CCDC169: variants seen among roughly 807,000 people sequenced by gnomAD.
CCDC169 encodes the protein coiled-coil domain-containing protein 169.
Under a neutral mutation model 36.0 loss-of-function variants are expected in CCDC169, and 30 were observed. That is an observed-to-expected ratio of 0.83 (90% CI 0.62 to 1.13). CCDC169 has a LOEUF of 1.13. CCDC169 is among the 50% of genes most tolerant of loss of function. The pLI is 0.00. For synonymous variants in CCDC169, 85 were observed against 81.5 expected, an observed-to-expected ratio of 1.04 and a Z score of -0.23; for missense variants, 245 against 245.9, an observed-to-expected ratio of 1.00 and a Z score of 0.03.
chr13:36,275,109 C>A (rs1326655505), intron 4 of CCDC169, among the ~76,000 whole-genome samples: 1 of 151,892 alleles, frequency 6.6e-6, no homozygotes, highest in South Asian at 2.1e-4. Flanking sequence ...CCTCGTGATC[C>A]GCCCGCCTCG....
chr13:36,233,829 T>A (rs1264319590), intron 7 of CCDC169, among the ~76,000 whole-genome samples: 2 of 152,226 alleles, frequency 1.3e-5, no homozygotes, highest in African/African-American at 4.8e-5. Context: ...CTTTGACATA[T>A]TTTAAAATGT....
intron 2 of CCDC169, among the ~76,000 whole-genome samples, chr13:36,290,830 T>A (rs1258996447): frequency 6.6e-6 from 1 of 152,044 alleles, no homozygotes; most frequent in Non-Finnish European, 1.5e-5. Flanking sequence ...TGGATTTAAG[T>A]CTTTGACTCT....
chr13:36,261,912 G>C (rs1594044431), intron 4 of CCDC169, among the ~76,000 whole-genome samples: 1 of 152,312 alleles, frequency 6.6e-6, no homozygotes, highest in East Asian at 1.9e-4. Context: ...TTTTAGCCCA[G>C]TAGACCCAGA....
intron 4 of CCDC169, among the ~76,000 whole-genome samples, chr13:36,272,624 G>A (rs1169164462): frequency 1.3e-5 from 2 of 151,970 alleles, no homozygotes; most frequent in South Asian, 4.1e-4. Context: ...TTTTGCTGAA[G>A]AATCCTCCAA....
At chr13:36,286,199 C>T (rs1878234080) in intron 2 of CCDC169, among the ~76,000 whole-genome samples, 1 of 152,144 alleles carries the variant, frequency 6.6e-6, no homozygotes, top group Non-Finnish European at 1.5e-5. Flanking sequence ...GCTGCCAAGA[C>T]TCTTTTGTCT....
chr13:36,295,887 A>T, intron 1 of CCDC169, 30 bp from the exon 2 acceptor site: 1 of 1,281,792 alleles, frequency 7.8e-7, no homozygotes, highest in Non-Finnish European at 1.1e-6. Flanking sequence ...TGTTGATTAT[A>T]ATTCAATTAA....
chr13:36,285,618 G>C lies in CCDC169; in HGVS notation c.164-1916C>G, dbSNP rs9566047. ...AGATAGATAGATAGATAGATAGATA[G>C]ATACATAGATACATAGATACATAGA... On this transcript the variant is annotated intron_variant, in intron 2 of 7. Transcript: ENST00000239859. Among the ~76,000 whole-genome samples the C allele has an allele frequency of 8.8e-3, 1,171 of 133,582 alleles. 12 individuals carry two copies. Among genetic ancestry groups the C allele is most frequent in the African/African-American group, 0.025 (851 of 34,582 alleles). 87.6% of individuals were successfully genotyped at this position (133,582 alleles called of 152,430 possible).
chr13:36,290,497 T>C (rs1274077505), intron 2 of CCDC169, among the ~76,000 whole-genome samples: 4 of 152,252 alleles, frequency 2.6e-5, no homozygotes, highest in African/African-American at 9.6e-5. Context: ...TTTGAAACTA[T>C]TGAATCCCTC....
At chr13:36,265,937 C>A (rs1283943388) in intron 4 of CCDC169, among the ~76,000 whole-genome samples, 1 of 152,166 alleles carries the variant, frequency 6.6e-6, no homozygotes, top group Non-Finnish European at 1.5e-5. Context: ...TGTGCTCAAT[C>A]ATCCTTGAGA....
intron 2 of CCDC169, 87 bp from the exon 3 acceptor site, chr13:36,283,789 C>T: frequency 9.9e-7 from 1 of 1,007,692 alleles, no homozygotes; most frequent in Non-Finnish European, 1.5e-6. Flanking sequence ...TGATCTTACT[C>T]TATTACTATA....
intron 7 of CCDC169, among the ~76,000 whole-genome samples, chr13:36,243,189 T>C (rs1474890265): frequency 6.6e-6 from 1 of 152,144 alleles, no homozygotes; most frequent in Non-Finnish European, 1.5e-5. Flanking sequence ...CAGGTGTTGA[T>C]CCTAAGAACT....
At chr13:36,278,488 C>A (rs186181448) in intron 4 of CCDC169, among the ~76,000 whole-genome samples, 85 of 152,248 alleles carry the variant, frequency 5.6e-4, no homozygotes, top group African/African-American at 2.0e-3. Context: ...CTTCTTTCTT[C>A]GCTTTTGAAT....
chr13:36,225,377 T>C (rs1222563911), downstream of CCDC169: 1 of 152,318 alleles, frequency 6.6e-6, no homozygotes, highest in Non-Finnish European at 1.5e-5. Context: ...GCTAATTTTT[T>C]ACTTTTTGTA....
chr13:36,251,288 T>C (rs1873122248), intron 6 of CCDC169, among the ~76,000 whole-genome samples: 1 of 152,214 alleles, frequency 6.6e-6, no homozygotes, highest in Non-Finnish European at 1.5e-5. Flanking sequence ...CTGCAAATCA[T>C]CCATTAACCT....
intron 6 of CCDC169, 150 bp downstream of exon 6, chr13:36,253,653 A>C: frequency 1.1e-6 from 1 of 932,806 alleles, no homozygotes; most frequent in Non-Finnish European, 1.5e-6. Context: ...TTTTTATACA[A>C]GTTGTATATT....
chr13:36,255,869 C>G (rs925307411), intron 4 of CCDC169, among the ~76,000 whole-genome samples: 1 of 152,194 alleles, frequency 6.6e-6, no homozygotes, highest in Non-Finnish European at 1.5e-5. Context: ...CCACTATGTC[C>G]TGCTTCCCCA....
At chr13:36,276,962 C>T (rs1380032526) in intron 4 of CCDC169, among the ~76,000 whole-genome samples, 2 of 152,092 alleles carry the variant, frequency 1.3e-5, no homozygotes, top group Non-Finnish European at 2.9e-5. Context: ...GGGAAATCCT[C>T]AGAACGTATA....
chr13:36,255,111 G>C (rs1873694765), intron 4 of CCDC169, among the ~76,000 whole-genome samples: 1 of 152,162 alleles, frequency 6.6e-6, no homozygotes, highest in South Asian at 2.1e-4. Flanking sequence ...TCAAGGAAGA[G>C]GGTCTTGCTG....
chr13:36,231,434 T>C, intron 7 of CCDC169, 142 bp from the exon 8 acceptor site: 2 of 771,836 alleles, frequency 2.6e-6, no homozygotes, highest in Admixed American at 5.5e-5. Flanking sequence ...GTGAATAGTT[T>C]CTGCTTACAG....
Sources: allele counts gnomAD v4.1 joint callset (sites outside exome capture counted in the v4.1 genomes callset), GRCh38; gene constraint gnomAD v4.1.1; transcripts MANE v1.5; gene names NCBI Gene and HGNC (gene_info 2026-07-23, HGNC 2026-07-21).